The following TRAPPC9 variants were observed in gnomAD, a reference collection of about 807,000 sequenced individuals.
TRAPPC9 encodes the protein trafficking protein particle complex subunit 9.
A neutral mutation model predicts 124.0 loss-of-function variants in TRAPPC9; 83 were observed. The ratio of observed to expected loss-of-function variants is 0.67; its 90% CI spans 0.56 to 0.80. The LOEUF is 0.80. Among genes scored for constraint, TRAPPC9 ranks in the 30% least tolerant of loss-of-function variants. TRAPPC9 has a pLI of 0.00. For missense variants in TRAPPC9, 1,302 were observed against 1,508.3 expected (o/e 0.86, Z 2.27); for synonymous variants, 638 against 617.5 (o/e 1.03, Z -0.49).
chr8:140,303,121 G>A (rs988899499), intron 10 of TRAPPC9, among the ~76,000 whole-genome samples: 31 of 152,068 alleles, frequency 2.0e-4, no homozygotes, highest in African/African-American at 6.8e-4. Context: ...TTCCTCAAAC[G>A]GTAGAATTAA....
chr8:140,454,745 C>T (rs1358409550), intron 1 of TRAPPC9, among the ~76,000 whole-genome samples: 1 of 151,438 alleles, frequency 6.6e-6, no homozygotes, highest in Admixed American at 6.6e-5. Flanking sequence ...TCGAGACCAG[C>T]CTGGCCAACA....
At chr8:139,858,784 A>G (rs1040386593) in intron 21 of TRAPPC9, among the ~76,000 whole-genome samples, 16 of 151,846 alleles carry the variant, frequency 1.1e-4, no homozygotes, top group African/African-American at 3.6e-4. Context: ...TGCCGAGGCC[A>G]GAGCCGACAA....
chr8:139,946,873 G>C (rs1221556617), intron 19 of TRAPPC9, among the ~76,000 whole-genome samples: 4 of 151,884 alleles, frequency 2.6e-5, no homozygotes, highest in Non-Finnish European at 5.9e-5. Flanking sequence ...TCTAATCCCA[G>C]CTACTCGGGA....
At chr8:139,947,928 A>AGAGAGAGT (rs1834366727) in intron 19 of TRAPPC9, among the ~76,000 whole-genome samples, 1 of 136,810 alleles carries the variant, frequency 7.3e-6, no homozygotes, top group Non-Finnish European at 1.6e-5. Flanking sequence ...AGAGAGCGAG[A>AGAGAGAGT]GAGAGAGAGA....
At chr8:140,345,929 C>T (rs909618560) in intron 9 of TRAPPC9, among the ~76,000 whole-genome samples, 2 of 152,144 alleles carry the variant, frequency 1.3e-5, no homozygotes, top group East Asian at 3.9e-4. Context: ...ATGTGGCCAC[C>T]GTGGACATCC....
chr8:140,088,422 GAA>G (rs1844342167), intron 17 of TRAPPC9, among the ~76,000 whole-genome samples: 1 of 152,188 alleles, frequency 6.6e-6, no homozygotes. Flanking sequence ...CTTGGGAATG[GAA>G]AAGTTGTAGC....
chr8:140,263,124 G>A (rs779973124), intron 15 of TRAPPC9, among the ~76,000 whole-genome samples: 1 of 152,168 alleles, frequency 6.6e-6, no homozygotes, highest in Non-Finnish European at 1.5e-5. Context: ...TGCTCAGTAC[G>A]GGCTGCTGAG....
chr8:140,170,983 A>C (rs904073185), intron 17 of TRAPPC9, among the ~76,000 whole-genome samples: 5 of 152,224 alleles, frequency 3.3e-5, no homozygotes, highest in African/African-American at 1.2e-4. Flanking sequence ...CCCACCTGGA[A>C]AACACCAGCC....
chr8:140,035,927 T>A (rs1252891839), intron 17 of TRAPPC9, among the ~76,000 whole-genome samples: 1 of 152,212 alleles, frequency 6.6e-6, no homozygotes, highest in Non-Finnish European at 1.5e-5. Flanking sequence ...GAAAGTCACT[T>A]GTCCTTTCTT....
In TRAPPC9 at chr8:140,241,327, A is replaced by T. The variant is rs1017886546; in HGVS notation, c.2431+11450T>A. The stretch of plus-strand genomic sequence containing the variant: ...TCACTTGAACCCAGGAGATCACTTG[A>T]ACCCAGGAAGTTGTAGTGAGCTGAG... On this transcript the variant is annotated intron_variant, in intron 16 of 22. Transcript: ENST00000438773. This position sits in a 1 kb window ranked among gnomAD's most constrained non-coding sequence, Gnocchi z 5.0. 6.6e-6 allele frequency among the ~76,000 whole-genome samples: 1 copy of T among 151,930 alleles called. No homozygotes were observed. The highest frequency in any genetic ancestry group is 1.5e-5 in the Non-Finnish European group (1 of 67,982).
At chr8:139,950,300 C>T (rs990186597) in intron 19 of TRAPPC9, among the ~76,000 whole-genome samples, 5 of 152,216 alleles carry the variant, frequency 3.3e-5, no homozygotes, top group Admixed American at 6.5e-5. Context: ...TGGCAAACCG[C>T]GGAGCTCAGG....
intron 17 of TRAPPC9, among the ~76,000 whole-genome samples, chr8:140,071,112 G>A (rs906970845): frequency 7.9e-5 from 12 of 152,196 alleles, no homozygotes; most frequent in Admixed American, 7.9e-4. Flanking sequence ...TCCAGATGAA[G>A]AAATGGAGGA....
chr8:140,278,740 G>C (rs1484418328), intron 14 of TRAPPC9, among the ~76,000 whole-genome samples: 1 of 152,198 alleles, frequency 6.6e-6, no homozygotes, highest in East Asian at 1.9e-4. Flanking sequence ...CAGTGCTCAA[G>C]GCACCACTCC....
chr8:140,193,479 T>C (rs978040370), intron 17 of TRAPPC9, among the ~76,000 whole-genome samples: 2 of 152,088 alleles, frequency 1.3e-5, no homozygotes, highest in Non-Finnish European at 2.9e-5. Flanking sequence ...ATCTTCAAAG[T>C]TGAGCTGAAA....
At chr8:139,886,067 T>G in intron 20 of TRAPPC9, 98 bp from the exon 21 acceptor site, 1 of 1,112,228 alleles carries the variant, frequency 9.0e-7, no homozygotes, top group Non-Finnish European at 1.3e-6. Context: ...GGAAACCTCC[T>G]ACAGCAGATG....
intron 17 of TRAPPC9, among the ~76,000 whole-genome samples, chr8:140,179,478 CTTGAT>C (rs1024536777): frequency 2.6e-5 from 4 of 152,046 alleles, no homozygotes; most frequent in Non-Finnish European, 4.4e-5. Context: ...TTTATTGAGA[CTTGAT>C]TTATCACCCC....
intron 9 of TRAPPC9, among the ~76,000 whole-genome samples, chr8:140,341,679 G>GAAAA (rs577666696): frequency 7.5e-6 from 1 of 133,114 alleles, no homozygotes; most frequent in Non-Finnish European, 1.6e-5. Flanking sequence ...ATACGCATGG[G>GAAAA]AAAAAAAAAA....
chr8:140,101,749 G>C (rs1587711041), intron 17 of TRAPPC9, among the ~76,000 whole-genome samples: 1 of 151,660 alleles, frequency 6.6e-6, no homozygotes, highest in Admixed American at 6.6e-5. Context: ...CACCATGTTG[G>C]CCAGGCTGGT....
intron 5 of TRAPPC9, among the ~76,000 whole-genome samples, chr8:140,421,404 T>C (rs2070201871): frequency 6.6e-6 from 1 of 152,236 alleles, no homozygotes; most frequent in African/African-American, 2.4e-5. Context: ...GAATTTACTC[T>C]GTTGTGTAAC....
Sources: allele counts gnomAD v4.1 joint callset (sites outside exome capture counted in the v4.1 genomes callset), GRCh38; gene constraint gnomAD v4.1.1; non-coding constraint Gnocchi (gnomAD v3.1); transcripts MANE v1.5; gene names NCBI Gene and HGNC (gene_info 2026-07-23, HGNC 2026-07-21).